The following ACER2 variants were observed in gnomAD, a reference collection of about 807,000 sequenced individuals.
ACER2 encodes alkaline ceramidase 2.
ACER2 carries 26 observed loss-of-function variants against 34.7 expected under a neutral mutation model. The ratio of observed to expected loss-of-function variants is 0.75; its 90% CI spans 0.55 to 1.04. The LOEUF is 1.04. Among genes scored for constraint, ACER2 ranks in the 50% least tolerant of loss-of-function variants. The pLI is 0.00. For missense variants in ACER2, 352 were observed against 340.8 expected (o/e 1.03, Z -0.26); for synonymous variants, 138 against 132.1 (o/e 1.04, Z -0.31).
intron 3 of ACER2, among the ~76,000 whole-genome samples, chr9:19,431,063 G>A (rs527770362): frequency 7.9e-4 from 120 of 152,126 alleles, no homozygotes; most frequent in African/African-American, 2.8e-3. Context: ...GCAGTACTCT[G>A]TGGAGCCTTT....
chr9:19,424,396 G>A (rs1471666097), intron 2 of ACER2: 1 of 985,266 alleles, frequency 1.0e-6, no homozygotes, highest in African/African-American at 1.7e-5. Context: ...AACAGTGAAG[G>A]AATGTTGACT....
chr9:19,413,964 T>TA lies in ACER2; in HGVS notation c.108+4775dup, dbSNP rs1330740978. Among the ~76,000 whole-genome samples the TA allele has an allele frequency of 8.5e-5, 13 of 152,256 alleles. No individual in the cohort carries two copies. In the East Asian group the frequency reaches 2.5e-3, roughly 29 times the overall value. On this transcript the variant is annotated intron_variant, in intron 1 of 5. Coordinates refer to ENST00000340967, the MANE Select transcript of ACER2 (RefSeq NM_001010887.3). Reference sequence around the variant, plus strand: ...GTGCTTATTCCAGAGACCAGCTCTGTAAATAGTCATATGGGTGGTGAGGGC... The same window carrying TA: ...GTGCTTATTCCAGAGACCAGCTCTGTAAAATAGTCATATGGGTGGTGAGGGC...
At chr9:19,429,576 C>G (rs547008792) in intron 3 of ACER2, among the ~76,000 whole-genome samples, 60 of 152,312 alleles carry the variant, frequency 3.9e-4, no homozygotes, top group African/African-American at 1.3e-3. Context: ...AAGAGATACT[C>G]CCACCTTGGC....
At chr9:19,409,829 G>T (rs1830035293) in intron 1 of ACER2, 1 of 985,360 alleles carries the variant, frequency 1.0e-6, no homozygotes, top group Non-Finnish European at 1.2e-6. Context: ...GCTTTCTCCA[G>T]TTCTGAAGTC....
In ACER2 at chr9:19,430,996, C is replaced by G. The variant is rs561872755; in HGVS notation, c.366-3951C>G. Among the ~76,000 whole-genome samples, 23 of 146,162 alleles carry G rather than the reference C, an allele frequency of 1.6e-4. No homozygotes were observed. In the South Asian group the frequency reaches 5.2e-3, roughly 33 times the overall value. On this transcript the variant is annotated intron_variant, in intron 3 of 5. Transcript: ENST00000340967. The stretch of plus-strand genomic sequence containing the variant: ...AAACAAAAAACCCAACAAAACCAAA[C>G]AACAACAACAACAAAAACCCATGTT...
intron 1 of ACER2, among the ~76,000 whole-genome samples, chr9:19,410,730 A>G (rs1288769630): frequency 5.3e-5 from 8 of 152,146 alleles, no homozygotes; most frequent in Admixed American, 4.6e-4. Flanking sequence ...CTGACCACAG[A>G]TACTGTGAAA....
chr9:19,409,459 C>T (rs887077217), intron 1 of ACER2, among the ~76,000 whole-genome samples: 1 of 152,180 alleles, frequency 6.6e-6, no homozygotes, highest in African/African-American at 2.4e-5. Flanking sequence ...TTGGCCCCCA[C>T]GCGTCCAGGA....
chr9:19,412,122 C>T (rs1056556668), intron 1 of ACER2, among the ~76,000 whole-genome samples: 1 of 152,076 alleles, frequency 6.6e-6, no homozygotes, highest in Non-Finnish European at 1.5e-5. Flanking sequence ...TTTAGTCATT[C>T]CATAACTTAA....
At position 19,415,950 on chromosome 9, in the gene ACER2, C is replaced by T. The variant is rs183634924; in HGVS notation, c.108+6758C>T. Among the ~76,000 whole-genome samples, 226 of 151,360 alleles carry T rather than the reference C, an allele frequency of 1.5e-3. 2 individuals carry two copies. Among genetic ancestry groups the T allele is most frequent in the African/African-American group, 4.8e-3 (196 of 41,192 alleles). On this transcript the variant is annotated intron_variant, in intron 1 of 5. Coordinates refer to ENST00000340967, the MANE Select transcript of ACER2 (RefSeq NM_001010887.3). ...TGTTGAAGGAGAAAAGGAAGCTGCACGATGGGAATGTTAACAATATGTGAC... is the reference window on the plus strand; with the variant it reads ...TGTTGAAGGAGAAAAGGAAGCTGCATGATGGGAATGTTAACAATATGTGAC...
rs145562665 is a variant in ACER2 at position 19,435,079 on chromosome 9, A to G, written c.498A>G (p.Leu166=). ...GCACTGCACTGCTCATCGCAGAGCT[A>G]AAGAGGTAGGTGCCATCATTCCTGC... is the stretch of plus-strand genomic sequence containing the variant. The part of the protein sequence containing the change: ...VPCTALLIAE[L]KRCDNMRVFK... Residue 166 remains leucine (L), a synonymous_variant, in exon 4 of 6, where the codon CTA becomes CTG. Transcript: ENST00000340967. The G allele has an allele frequency of 4.3e-6, 7 of 1,613,952 alleles. No individual in the cohort carries two copies. The highest frequency in any genetic ancestry group is 2.2e-5 in the South Asian group (2 of 91,070).
At chr9:19,442,245 C>T (rs1831179437) in intron 4 of ACER2, among the ~76,000 whole-genome samples, 1 of 152,112 alleles carries the variant, frequency 6.6e-6, no homozygotes, top group Non-Finnish European at 1.5e-5. Flanking sequence ...AGAATATAAT[C>T]AAGGGTCTAG....
intron 1 of ACER2, among the ~76,000 whole-genome samples, chr9:19,418,714 G>C (rs567627860): frequency 6.0e-4 from 91 of 152,252 alleles, no homozygotes; most frequent in African/African-American, 2.1e-3. Context: ...GGCTAGGGGA[G>C]GGATAGCATT....
intron 5 of ACER2, among the ~76,000 whole-genome samples, chr9:19,448,497 C>A (rs908850416): frequency 1.3e-5 from 2 of 152,062 alleles, no homozygotes; most frequent in Admixed American, 6.5e-5. Context: ...GAGGTTATTT[C>A]TAATTTTCCA....
At chr9:19,446,051 G>A in intron 4 of ACER2, 1 of 718,716 alleles carries the variant, frequency 1.4e-6, no homozygotes, top group Admixed American at 1.9e-5. Context: ...TTGGGTGTAT[G>A]AGTCTGGAGT....
At position 19,424,846 on chromosome 9, in the gene ACER2, G is replaced by A; in HGVS notation, c.365+5G>A. 1 of 1,614,096 alleles carries A rather than the reference G, an allele frequency of 6.2e-7. No individual in the cohort carries two copies. Among genetic ancestry groups the A allele is most frequent in the African/African-American group, 1.3e-5 (1 of 75,020 alleles). On this transcript the variant is annotated splice_donor_5th_base_variant and intron_variant, in intron 3 of 5. Coordinates refer to ENST00000340967, the MANE Select transcript of ACER2 (RefSeq NM_001010887.3). ...AAAGATCTTTCGGAATGACCGGTAAGCTTGCACTAAACATTATTGCATTTA... is the reference window on the plus strand; with the variant it reads ...AAAGATCTTTCGGAATGACCGGTAAACTTGCACTAAACATTATTGCATTTA...
chr9:19,446,587 A>G (rs1831372720), intron 5 of ACER2, 169 bp downstream of exon 5: 3 of 985,410 alleles, frequency 3.0e-6, no homozygotes, highest in Middle Eastern at 5.2e-4. Flanking sequence ...ACACTTTGTA[A>G]AAAGCTGAAT....
At chr9:19,433,207 G>T (rs146307656) in intron 3 of ACER2, among the ~76,000 whole-genome samples, 1,461 of 136,762 alleles carry the variant, frequency 0.011, 34 homozygotes, top group African/African-American at 0.037. Flanking sequence ...CACAGAGGGG[G>T]ATTTGGCAGG....
At chr9:19,435,958 A>G (rs1183639679) in intron 4 of ACER2, among the ~76,000 whole-genome samples, 1 of 152,060 alleles carries the variant, frequency 6.6e-6, no homozygotes, top group Non-Finnish European at 1.5e-5. Context: ...CTGAGGCAGG[A>G]GAATGGTGTG....
intron 4 of ACER2, among the ~76,000 whole-genome samples, chr9:19,444,217 G>T (rs1422433891): frequency 6.4e-5 from 9 of 141,218 alleles, no homozygotes; most frequent in African/African-American, 1.8e-4. Flanking sequence ...TCTCATAATG[G>T]TTTTTTTTTT....
Sources: allele counts gnomAD v4.1 joint callset (sites outside exome capture counted in the v4.1 genomes callset), GRCh38; gene constraint gnomAD v4.1.1; transcripts MANE v1.5; gene names NCBI Gene and HGNC (gene_info 2026-07-23, HGNC 2026-07-21).